Variants in HEATR5B observed in about 807,000 individuals in gnomAD.
HEATR5B encodes the protein HEAT repeat-containing protein 5B.
Under a neutral mutation model 224.1 loss-of-function variants are expected in HEATR5B, and 156 were observed. The observed-to-expected ratio is 0.70, with a 90% CI of 0.61 to 0.80. The LOEUF (loss-of-function observed/expected upper bound fraction) is 0.80, where lower values mean the gene tolerates loss of function less well. Ranked by LOEUF, HEATR5B falls within the 30% of genes least tolerant of loss-of-function variation. The pLI, the probability that HEATR5B is intolerant of heterozygous loss-of-function variation, is 0.00. For missense variants in HEATR5B, 2,323 were observed against 2,535.5 expected, an observed-to-expected ratio of 0.92 and a Z score of 1.80; for synonymous variants, 1,027 against 893.0, an observed-to-expected ratio of 1.15 and a Z score of -2.68.
In HEATR5B at chr2:37,059,464, A is replaced by ATTTT. The variant is rs35615621; in HGVS notation, c.1850-481_1850-478dup. On this transcript the variant is annotated intron_variant, in intron 12 of 35. Transcript: ENST00000233099. ...TGTGTGTGTATATATATATATATAT[A>ATTTT]TTTTTTTTTTTTTTTTTTTGAGAGA... is the stretch of plus-strand genomic sequence containing the variant. 7.9e-3 allele frequency among the ~76,000 whole-genome samples: 523 copies of ATTTT among 65,818 alleles called. 40 individuals are homozygous for ATTTT. The highest frequency in any genetic ancestry group is 0.022 in the East Asian group (49 of 2,236). The allele number at this position is 65,818 out of a possible 152,430, so 43.2% of individuals were successfully genotyped here. A position where few individuals can be genotyped will look rare whatever the true frequency, so the allele number is the denominator to read the frequency against.
At chr2:36,999,731 G>T (rs1175369588) in intron 33 of HEATR5B, among the ~76,000 whole-genome samples, 2 of 151,564 alleles carry the variant, frequency 1.3e-5, no homozygotes, top group African/African-American at 4.8e-5. Flanking sequence ...AAAACCTCCC[G>T]GCCGGGTGCG....
In HEATR5B at chr2:36,981,114, G is replaced by C. The variant is rs1665553436; in HGVS notation, c.*376C>G. ...TTTAAAATCTGCTTGTTTTTCAATT[G>C]ATTTTTTTCATGACAGATGCTGAGT... On this transcript the variant is annotated 3_prime_UTR_variant, in exon 36 of 36. Transcript: ENST00000233099. The C allele has an allele frequency of 6.2e-6, 1 of 161,840 alleles. No homozygotes were observed. Among genetic ancestry groups the C allele is most frequent in the South Asian group, 2.0e-4 (1 of 5,026 alleles). The allele number at this position is 161,840 out of a possible 1,614,324, so 10.0% of individuals were successfully genotyped here. A position where few individuals can be genotyped will look rare whatever the true frequency, so the allele number is the denominator to read the frequency against.
intron 8 of HEATR5B, among the ~76,000 whole-genome samples, chr2:37,067,237 T>C (rs542574416): frequency 1.6e-4 from 24 of 152,152 alleles, no homozygotes; most frequent in Non-Finnish European, 2.6e-4. Flanking sequence ...TTTTGATTGC[T>C]AAACTTTAAG....
At chr2:37,027,450 A>G (rs529991895) in intron 24 of HEATR5B, among the ~76,000 whole-genome samples, 1 of 152,288 alleles carries the variant, frequency 6.6e-6, no homozygotes, top group Admixed American at 6.5e-5. Context: ...ATAATAAACA[A>G]TTTTCACCTT....
At chr2:37,041,035 T>C in intron 19 of HEATR5B, 98 bp downstream of exon 19, 1 of 918,982 alleles carries the variant, frequency 1.1e-6, no homozygotes, top group Non-Finnish European at 1.7e-6. Flanking sequence ...AATATATTTG[T>C]CCTAACAACT....
chr2:37,026,774 T>C (rs1036420182), intron 24 of HEATR5B, among the ~76,000 whole-genome samples: 8 of 152,196 alleles, frequency 5.3e-5, no homozygotes, highest in Non-Finnish European at 8.8e-5. Context: ...CAGAGTCTCA[T>C]TTTATACATG....
chr2:37,083,759 A>G (rs1368564821), intron 1 of HEATR5B, among the ~76,000 whole-genome samples: 1 of 152,222 alleles, frequency 6.6e-6, no homozygotes, highest in African/African-American at 2.4e-5. Flanking sequence ...AAAAAACTGA[A>G]GCACTAAGAT....
chr2:36,988,871 G>A lies in HEATR5B; in HGVS notation c.5698-12C>T. On this transcript the variant is annotated splice_polypyrimidine_tract_variant and intron_variant, in intron 34 of 35. Transcript: ENST00000233099. ...CATTTGGCTTGAACCTATATAAGAA[G>A]AACATATTATCAATTAACATGTGTA... 6.3e-7 allele frequency: 1 copy of A among 1,582,344 alleles called. No homozygotes were observed. Among genetic ancestry groups the A allele is most frequent in the Non-Finnish European group, 8.7e-7 (1 of 1,151,348 alleles).
chr2:37,038,057 ATTATT>A, intron 20 of HEATR5B, 33 bp from the exon 21 acceptor site: 3 of 1,329,426 alleles, frequency 2.3e-6, no homozygotes, highest in Non-Finnish European at 3.0e-6. Flanking sequence ...ATAAAATATA[ATTATT>A]TTATTAGTAC....
intron 16 of HEATR5B, chr2:37,055,185 T>A (rs941553363): frequency 2.4e-5 from 7 of 288,340 alleles, no homozygotes; most frequent in African/African-American, 1.6e-4. Flanking sequence ...TAATTTAACA[T>A]TGTATCATGA....
chr2:37,030,114 T>C (rs1383083251), intron 22 of HEATR5B, among the ~76,000 whole-genome samples: 5 of 151,998 alleles, frequency 3.3e-5, no homozygotes. Context: ...TAAGAATGAG[T>C]ATTATTACGC....
At chr2:37,006,451 G>A (rs1016177273) in intron 29 of HEATR5B, among the ~76,000 whole-genome samples, 11 of 152,206 alleles carry the variant, frequency 7.2e-5, no homozygotes, top group African/African-American at 2.7e-4. Context: ...AGACCAGCCT[G>A]ACCAACATGG....
intron 30 of HEATR5B, 102 bp from the exon 31 acceptor site, chr2:37,003,788 G>A: frequency 3.9e-6 from 3 of 759,988 alleles, no homozygotes; most frequent in Non-Finnish European, 5.7e-6. Context: ...AAAGAAATCA[G>A]GTAGCTAAAA....
chr2:37,041,272 A>G lies in HEATR5B; in HGVS notation c.2717T>C (p.Val906Ala), dbSNP rs908642401. 3.7e-6 allele frequency: 6 copies of G among 1,613,862 alleles called. No individual in the cohort carries two copies. The highest frequency in any genetic ancestry group is 1.1e-5 in the South Asian group (1 of 91,060). The stretch of plus-strand genomic sequence containing the variant: ...CAATGAATGACCAGTCCTAGATACA[A>G]CATCTCGAGCCGATTTCAACCTGAA... ...SFDKLKSARDVVSRTGHSLAL... is the reference protein window; with the variant it reads ...SFDKLKSARDAVSRTGHSLAL... Residue 906 changes from valine to alanine, a missense_variant, in exon 19 of 36, where the codon GTT (valine) becomes GCT (alanine). By Grantham distance (64) the Val-to-Ala change is moderately conservative. This residue lies in a region of HEATR5B where 170 missense variants were observed against 216.7 expected (regional missense o/e 0.78). Transcript: ENST00000233099.
intron 33 of HEATR5B, among the ~76,000 whole-genome samples, chr2:36,993,718 G>A (rs1666496544): frequency 6.6e-6 from 1 of 151,956 alleles, no homozygotes; most frequent in Non-Finnish European, 1.5e-5. Context: ...CCAATAATGG[G>A]ACAAAGCAAC....
At chr2:37,073,904 A>G (rs1672062164) in intron 5 of HEATR5B, among the ~76,000 whole-genome samples, 1 of 152,218 alleles carries the variant, frequency 6.6e-6, no homozygotes. Flanking sequence ...TGGCATCAAG[A>G]TAGACAAATG....
intron 35 of HEATR5B, among the ~76,000 whole-genome samples, chr2:36,984,941 G>A (rs1237617218): frequency 3.3e-5 from 5 of 152,126 alleles, no homozygotes; most frequent in Admixed American, 1.3e-4. Flanking sequence ...AATGGGACAA[G>A]ATTTGAATAA....
At position 37,031,434 on chromosome 2, in the gene HEATR5B, C is replaced by CTT. The variant is rs35877706; in HGVS notation, c.3361+1193_3361+1194dup. Among the ~76,000 whole-genome samples, 223 of 126,008 alleles carry CTT rather than the reference C, an allele frequency of 1.8e-3. 2 individuals carry two copies. The highest frequency in any genetic ancestry group is 3.1e-3 in the Non-Finnish European group (176 of 56,310). 82.7% of individuals were successfully genotyped at this position (126,008 alleles called of 152,430 possible). A position where few individuals can be genotyped will look rare whatever the true frequency, so the allele number is the denominator to read the frequency against. Reference sequence around the variant, plus strand: ...CTGTTTTTCTGTTTTTCTTTTCTTTCTTTTTTTTTTTTTTTTTAAAGAGAC... The same window carrying CTT: ...CTGTTTTTCTGTTTTTCTTTTCTTTCTTTTTTTTTTTTTTTTTTTAAAGAGAC... On this transcript the variant is annotated intron_variant, in intron 22 of 35. Transcript: ENST00000233099.
intron 12 of HEATR5B, among the ~76,000 whole-genome samples, chr2:37,059,525 G>A (rs1222682466): frequency 3.5e-5 from 5 of 140,856 alleles, no homozygotes; most frequent in East Asian, 2.1e-4. Context: ...GTGCAGTGGC[G>A]GAATCTCGGC....
Sources: gnomAD v4.1 joint callset for allele counts (sites outside exome capture counted in the v4.1 genomes callset) on GRCh38, gnomAD v4.1.1 for gene constraint, gnomAD v4.1.1 regional missense constraint, MANE v1.5 for transcripts, NCBI Gene and HGNC (gene_info 2026-07-23, HGNC 2026-07-21) for gene names.